The following C8orf34 variants were observed in gnomAD, a reference collection of about 807,000 sequenced individuals.
C8orf34 encodes uncharacterized protein C8orf34.
Under a neutral mutation model 68.3 loss-of-function variants are expected in C8orf34, and 65 were observed. That is an observed-to-expected ratio of 0.95 (90% CI 0.78 to 1.17). The LOEUF (loss-of-function observed/expected upper bound fraction) is 1.17. Ranked by LOEUF, C8orf34 falls within the 50% of genes most tolerant of loss-of-function variation. C8orf34 has a pLI of 0.00. For missense variants in C8orf34, 664 were observed against 655.4 expected, an observed-to-expected ratio of 1.01 and a Z score of -0.14; for synonymous variants, 244 against 241.2, an observed-to-expected ratio of 1.01 and a Z score of -0.11.
At chr8:68,550,734 A>G (rs1332302232) in intron 7 of C8orf34, among the ~76,000 whole-genome samples, 2 of 150,324 alleles carry the variant, frequency 1.3e-5, no homozygotes, top group African/African-American at 4.9e-5. Flanking sequence ...GAGATTTGAT[A>G]TTTTCATATG....
intron 3 of C8orf34, among the ~76,000 whole-genome samples, chr8:68,463,400 C>T (rs1183244805): frequency 1.3e-5 from 2 of 152,142 alleles, no homozygotes; most frequent in African/African-American, 4.8e-5. Flanking sequence ...GAAACTATTC[C>T]AATCAACAGA....
At chr8:68,715,184 T>C (rs150810543) in intron 9 of C8orf34, among the ~76,000 whole-genome samples, 1 of 151,956 alleles carries the variant, frequency 6.6e-6, no homozygotes, top group Non-Finnish European at 1.5e-5. Context: ...TAGAAGATAA[T>C]GTCAGAAAAA....
chr8:68,552,570 A>G (rs1429579014), intron 7 of C8orf34, among the ~76,000 whole-genome samples: 2 of 152,194 alleles, frequency 1.3e-5, no homozygotes, highest in African/African-American at 2.4e-5. Context: ...GTCAGTTATC[A>G]TAGGTTTTTT....
At chr8:68,736,239 G>A (rs1057194523) in intron 10 of C8orf34, among the ~76,000 whole-genome samples, 3 of 152,098 alleles carry the variant, frequency 2.0e-5, no homozygotes, top group African/African-American at 7.2e-5. Flanking sequence ...CTGTAGCAAG[G>A]CAAACTGTCC....
chr8:68,408,343 A>G (rs552133942), intron 1 of C8orf34, among the ~76,000 whole-genome samples: 4 of 151,876 alleles, frequency 2.6e-5, no homozygotes, highest in African/African-American at 9.7e-5. Flanking sequence ...TAATAATAAT[A>G]TAAATAAAGT....
At chr8:68,804,125 C>T (rs2978247) in intron 12 of C8orf34, among the ~76,000 whole-genome samples, 15,479 of 152,220 alleles carry the variant, frequency 0.1, 1,017 homozygotes, top group Middle Eastern at 0.16. Flanking sequence ...ACTGATGCCA[C>T]TGCAAATCAA....
At chr8:68,456,155 C>T (rs997274652) in intron 3 of C8orf34, among the ~76,000 whole-genome samples, 4 of 151,208 alleles carry the variant, frequency 2.6e-5, no homozygotes, top group African/African-American at 9.7e-5. Context: ...ACTCGGGAGG[C>T]TGAGGCAGGA....
At chr8:68,654,151 A>G (rs959804235) in intron 8 of C8orf34, among the ~76,000 whole-genome samples, 4 of 152,074 alleles carry the variant, frequency 2.6e-5, no homozygotes, top group Non-Finnish European at 5.9e-5. Flanking sequence ...GGCCTAAGGA[A>G]GCATGCTTGC....
chr8:68,813,171 C>T (rs1824705457), intron 12 of C8orf34, among the ~76,000 whole-genome samples: 1 of 152,134 alleles, frequency 6.6e-6, no homozygotes, highest in Non-Finnish European at 1.5e-5. Context: ...TGGCCACTCT[C>T]TTATTTGTTT....
At chr8:68,469,386 G>C (rs998152624) in intron 4 of C8orf34, among the ~76,000 whole-genome samples, 1 of 151,890 alleles carries the variant, frequency 6.6e-6, no homozygotes, top group Non-Finnish European at 1.5e-5. Context: ...TACCCTCCAT[G>C]TGCCTTGGTC....
rs141649749 is a variant in C8orf34, at chr8:68,644,536, A to G, written c.1241+4025A>G. Among the ~76,000 whole-genome samples, 356 of 152,318 alleles carry G rather than the reference A, an allele frequency of 2.3e-3. 6 individuals carry two copies. The East Asian group carries it at 0.054, about 23-fold the overall frequency. On this transcript the variant is annotated intron_variant, in intron 8 of 13. Transcript: ENST00000518698. ...TTTCTAGTGCCTTCAGCTCAAAGTA[A>G]TAAGTATACCAAAACAGCATATTTT...
chr8:68,535,696 C>T (rs1815436826), intron 7 of C8orf34: 1 of 807,746 alleles, frequency 1.2e-6, no homozygotes, highest in Non-Finnish European at 1.5e-6. Context: ...TATTATAGTA[C>T]AACACCTGTA....
At chr8:68,538,639 A>C (rs1426293917) in intron 7 of C8orf34, among the ~76,000 whole-genome samples, 3 of 152,132 alleles carry the variant, frequency 2.0e-5, no homozygotes, top group African/African-American at 7.2e-5. Context: ...AGTTGCCTAA[A>C]AACAGCAAAA....
Position 68,732,831 on chromosome 8 carries a change from G to A in C8orf34, c.1404+11394G>A, listed in dbSNP as rs1476057348. Among the ~76,000 whole-genome samples the A allele has an allele frequency of 2.0e-5, 3 of 152,166 alleles. No individual in the cohort carries two copies. In the East Asian group the frequency reaches 5.8e-4, roughly 29 times the overall value. On this transcript the variant is annotated intron_variant, in intron 10 of 13. Coordinates refer to ENST00000518698, the MANE Select transcript of C8orf34 (RefSeq NM_052958.4). ...TAATCCCAGCACTTTGGGATGCCGA[G>A]GCAGACAGATCACCTGAGGTCAGGA...
At chr8:68,631,988 A>G (rs918533098) in intron 7 of C8orf34, among the ~76,000 whole-genome samples, 1 of 152,210 alleles carries the variant, frequency 6.6e-6, no homozygotes, top group African/African-American at 2.4e-5. Context: ...GGAATGAGGT[A>G]CTGCCTAAAG....
At chr8:68,629,154 A>G (rs1818619142) in intron 7 of C8orf34, among the ~76,000 whole-genome samples, 2 of 152,198 alleles carry the variant, frequency 1.3e-5, no homozygotes, top group African/African-American at 4.8e-5. Context: ...AACTACTGGG[A>G]TGATAATTAT....
chr8:68,652,593 T>C (rs1478382010), intron 8 of C8orf34, among the ~76,000 whole-genome samples: 1 of 152,234 alleles, frequency 6.6e-6, no homozygotes, highest in East Asian at 1.9e-4. Flanking sequence ...TTGTCTATGA[T>C]GTGAGACAGG....
intron 7 of C8orf34, chr8:68,533,772 A>G (rs1815349969): frequency 3.1e-6 from 3 of 969,046 alleles, no homozygotes; most frequent in Non-Finnish European, 3.7e-6. Flanking sequence ...ATCTCTTCAT[A>G]TAAATTTTTA....
intron 3 of C8orf34, among the ~76,000 whole-genome samples, chr8:68,462,395 T>C (rs1211820286): frequency 1.3e-5 from 2 of 151,854 alleles, no homozygotes; most frequent in African/African-American, 2.4e-5. Context: ...GACAGAAAGT[T>C]AACAAGGATA....
Sources: gnomAD v4.1 joint callset for allele counts (sites outside exome capture counted in the v4.1 genomes callset) on GRCh38, gnomAD v4.1.1 for gene constraint, MANE v1.5 for transcripts, NCBI Gene and HGNC (gene_info 2026-07-23, HGNC 2026-07-21) for gene names.